The following MROH9 variants were observed in gnomAD, a reference collection of about 807,000 sequenced individuals.
MROH9 encodes the protein maestro heat like repeat family member 9, also known as maestro heat-like repeat-containing protein family member 9.
Under a neutral mutation model 98.2 loss-of-function variants are expected in MROH9, and 92 were observed. That is an observed-to-expected ratio of 0.94 (90% CI 0.79 to 1.11). The LOEUF (loss-of-function observed/expected upper bound fraction) is 1.11, where lower values mean the gene tolerates loss of function less well. Ranked by LOEUF, MROH9 falls within the 50% of genes most tolerant of loss-of-function variation. The pLI is 0.00. For synonymous variants in MROH9, 397 were observed against 368.9 expected (o/e 1.08, Z -0.87); for missense variants, 1,057 against 1,014.8 (o/e 1.04, Z -0.57).
Position 171,055,907 on chromosome 1 carries a change from G to A in MROH9, c.2282-6225G>A, listed in dbSNP as rs536669284. 1.3e-3 allele frequency among the ~76,000 whole-genome samples: 200 copies of A among 152,294 alleles called. 1 individual carries two copies. Among genetic ancestry groups the A allele is most frequent in the African/African-American group, 4.6e-3 (192 of 41,568 alleles). The stretch of plus-strand genomic sequence containing the variant: ...GTGGTGGCCCATCTGGGAGCCAGAC[G>A]AGCAGAGGAGCCCCTACCCCCAGGC... On this transcript the variant is annotated intron_variant, in intron 20 of 21. Transcript: ENST00000367759.
chr1:171,001,452 G>C (rs1386286082), intron 15 of MROH9, among the ~76,000 whole-genome samples: 1 of 151,976 alleles, frequency 6.6e-6, no homozygotes, highest in Non-Finnish European at 1.5e-5. Flanking sequence ...TGTCATTATT[G>C]TAATTCAGTG....
chr1:171,026,914 G>T (rs976915014), intron 20 of MROH9, among the ~76,000 whole-genome samples: 1 of 151,950 alleles, frequency 6.6e-6, no homozygotes, highest in South Asian at 2.1e-4. Context: ...ATAAGCTTTC[G>T]AAGTACAAGG....
intron 8 of MROH9, among the ~76,000 whole-genome samples, chr1:170,977,836 G>C (rs1308354065): frequency 1.3e-5 from 2 of 152,182 alleles, no homozygotes; most frequent in African/African-American, 4.8e-5. Flanking sequence ...CCAGAGAGAT[G>C]CAGGTCAGCA....
intron 20 of MROH9, among the ~76,000 whole-genome samples, chr1:171,059,213 G>A (rs1004573080): frequency 5.3e-5 from 8 of 151,036 alleles, no homozygotes; most frequent in Admixed American, 5.3e-4. Context: ...AGTGGGCAAA[G>A]TAACAAAAGT....
At chr1:171,047,298 A>G (rs372856513) in intron 20 of MROH9, among the ~76,000 whole-genome samples, 6 of 151,488 alleles carry the variant, frequency 4.0e-5, no homozygotes, top group African/African-American at 1.2e-4. Context: ...AAGGCCAGTG[A>G]CTCTTAGATT....
At chr1:171,051,994 G>A (rs370724563) in intron 20 of MROH9, among the ~76,000 whole-genome samples, 2 of 151,604 alleles carry the variant, frequency 1.3e-5, no homozygotes, top group Non-Finnish European at 2.9e-5. Context: ...TTGCTTGTAT[G>A]TCTAGTAGAA....
chr1:171,021,125 G>A (rs1423436060), intron 17 of MROH9, among the ~76,000 whole-genome samples: 2 of 151,964 alleles, frequency 1.3e-5, no homozygotes, highest in Admixed American at 1.3e-4. Context: ...ACAAACAAAT[G>A]GAAAAACATT....
chr1:170,956,279 G>A (rs537624206), intron 3 of MROH9, among the ~76,000 whole-genome samples: 5 of 152,172 alleles, frequency 3.3e-5, no homozygotes, highest in African/African-American at 1.2e-4. Flanking sequence ...TTTTTGCTTA[G>A]CCTTGCTTTG....
chr1:171,037,365 TAGAC>T (rs1426888497), intron 20 of MROH9, among the ~76,000 whole-genome samples: 4 of 150,898 alleles, frequency 2.7e-5, no homozygotes, highest in South Asian at 2.1e-4. Context: ...GAAGGAAGGA[TAGAC>T]AGAAGAAAGG....
intron 20 of MROH9, among the ~76,000 whole-genome samples, chr1:171,036,068 C>T (rs1274960786): frequency 6.6e-6 from 1 of 152,080 alleles, no homozygotes; most frequent in African/African-American, 2.4e-5. Context: ...GGAAAAAAAT[C>T]AACTTCATTC....
intron 12 of MROH9, among the ~76,000 whole-genome samples, chr1:170,993,750 T>C (rs1651453582): frequency 6.6e-6 from 1 of 152,186 alleles, no homozygotes; most frequent in Non-Finnish European, 1.5e-5. Flanking sequence ...TTCATCATAA[T>C]AAAGGACTTC....
chr1:170,952,192 C>T (rs1239575301), intron 3 of MROH9, among the ~76,000 whole-genome samples: 6 of 151,760 alleles, frequency 4.0e-5, no homozygotes, highest in Admixed American at 6.6e-5. Flanking sequence ...GTCAGTGTGG[C>T]GATTCCTCAG....
intron 3 of MROH9, 42 bp from the exon 4 acceptor site, chr1:170,958,419 A>G (rs749361410): frequency 1.7e-5 from 21 of 1,265,792 alleles, no homozygotes; most frequent in Non-Finnish European, 2.2e-5. Context: ...CTCTGTAATC[A>G]TTAATTCTTC....
At chr1:170,997,102 G>C (rs1020285229) in intron 14 of MROH9, among the ~76,000 whole-genome samples, 2 of 152,154 alleles carry the variant, frequency 1.3e-5, no homozygotes, top group Non-Finnish European at 2.9e-5. Context: ...GGGTTTTCTA[G>C]TTAACCCTTT....
intron 8 of MROH9, among the ~76,000 whole-genome samples, chr1:170,982,807 A>T (rs963359661): frequency 2.6e-5 from 4 of 152,152 alleles, no homozygotes; most frequent in Non-Finnish European, 5.9e-5. Flanking sequence ...AGGTGAGAAG[A>T]TCAGTTGAGC....
At chr1:170,953,381 G>C (rs1373164765) in intron 3 of MROH9, among the ~76,000 whole-genome samples, 1 of 151,084 alleles carries the variant, frequency 6.6e-6, no homozygotes, top group Admixed American at 6.6e-5. Flanking sequence ...CTCTTTTGTG[G>C]GCCATGGTTT....
intron 1 of MROH9, among the ~76,000 whole-genome samples, chr1:170,935,839 A>G (rs909452345): frequency 2.6e-5 from 4 of 151,892 alleles, no homozygotes; most frequent in African/African-American, 9.7e-5. Flanking sequence ...TAAAAATACA[A>G]AAATTAGCTG....
chr1:171,007,570 C>A (rs1020417907), intron 15 of MROH9, among the ~76,000 whole-genome samples: 6 of 152,188 alleles, frequency 3.9e-5, no homozygotes, highest in Non-Finnish European at 7.3e-5. Context: ...GAACTGCTCC[C>A]AAACTGAAGC....
chr1:170,996,357 G>A (rs1651565336), intron 13 of MROH9, 150 bp from the exon 14 acceptor site: 1 of 796,108 alleles, frequency 1.3e-6, no homozygotes, highest in Non-Finnish European at 2.0e-6. Context: ...CAGGGAAGAT[G>A]AAGGACATTT....
Sources: gnomAD v4.1 joint callset for allele counts (sites outside exome capture counted in the v4.1 genomes callset) on GRCh38, gnomAD v4.1.1 for gene constraint, MANE v1.5 for transcripts, NCBI Gene and HGNC (gene_info 2026-07-23, HGNC 2026-07-21) for gene names.